ADAM18: variants seen among roughly 807,000 people sequenced by gnomAD.
The protein encoded by ADAM18 is disintegrin and metalloproteinase domain-containing protein 18.
Under a neutral mutation model 94.4 loss-of-function variants are expected in ADAM18, and 117 were observed. The ratio of observed to expected loss-of-function variants is 1.24; its 90% CI spans 1.07 to 1.45. The LOEUF (loss-of-function observed/expected upper bound fraction) is 1.45, where lower values mean the gene tolerates loss of function less well. Among genes scored for constraint, ADAM18 ranks in the 40% most tolerant of loss-of-function variants. The pLI is 0.00. For missense variants in ADAM18, 936 were observed against 880.0 expected, an observed-to-expected ratio of 1.06 and a Z score of -0.81; for synonymous variants, 327 against 291.6, an observed-to-expected ratio of 1.12 and a Z score of -1.24.
intron 18 of ADAM18, among the ~76,000 whole-genome samples, chr8:39,713,235 G>A (rs543911226): frequency 4.3e-4 from 66 of 152,096 alleles, no homozygotes; most frequent in Admixed American, 5.2e-4. Context: ...CTGGCTAGTC[G>A]CATGTAGAAA....
intron 7 of ADAM18, among the ~76,000 whole-genome samples, chr8:39,635,589 T>C: frequency 6.6e-6 from 1 of 152,182 alleles, no homozygotes; most frequent in East Asian, 1.9e-4. Context: ...ACAACTATTA[T>C]AAAATTTTTG....
At chr8:39,651,765 A>G (rs1265820127) in intron 12 of ADAM18, among the ~76,000 whole-genome samples, 1 of 152,194 alleles carries the variant, frequency 6.6e-6, no homozygotes. Flanking sequence ...CACAAAATTT[A>G]TAAGAAACCA....
At chr8:39,675,217 T>C (rs548448482) in intron 14 of ADAM18, among the ~76,000 whole-genome samples, 1 of 152,334 alleles carries the variant, frequency 6.6e-6, no homozygotes, top group Admixed American at 6.5e-5. Context: ...TGAAGAGTGT[T>C]TTCCAACTTG....
chr8:39,669,289 T>G (rs1357305137), intron 14 of ADAM18, among the ~76,000 whole-genome samples: 1 of 151,044 alleles, frequency 6.6e-6, no homozygotes, highest in Non-Finnish European at 1.5e-5. Flanking sequence ...TTTTTAAATT[T>G]TATTATTATT....
chr8:39,636,009 G>GTTT (rs1286518727), intron 7 of ADAM18, among the ~76,000 whole-genome samples: 1 of 131,056 alleles, frequency 7.6e-6, no homozygotes. Flanking sequence ...AAGTTTTTTT[G>GTTT]TTTTTTTTTT....
At chr8:39,694,895 A>T (rs1406288994) in intron 17 of ADAM18, among the ~76,000 whole-genome samples, 1 of 151,526 alleles carries the variant, frequency 6.6e-6, no homozygotes, top group Non-Finnish European at 1.5e-5. Context: ...TGTTTCCATT[A>T]TTACAGTATC....
intron 16 of ADAM18, among the ~76,000 whole-genome samples, chr8:39,691,257 C>T (rs1015641473): frequency 1.3e-5 from 2 of 151,998 alleles, no homozygotes; most frequent in African/African-American, 4.8e-5. Context: ...TGCACGTATA[C>T]AACGTATAAT....
chr8:39,637,775 T>TG (rs1207469776), intron 9 of ADAM18, 72 bp downstream of exon 9: 1 of 1,374,668 alleles, frequency 7.3e-7, no homozygotes, highest in Non-Finnish European at 9.6e-7. Context: ...GTGAATTTAT[T>TG]GCGTTCTTCA....
chr8:39,713,381 C>G (rs1253524726), intron 18 of ADAM18, among the ~76,000 whole-genome samples: 1 of 152,098 alleles, frequency 6.6e-6, no homozygotes, highest in African/African-American at 2.4e-5. Flanking sequence ...TAGGCATGGG[C>G]AAGGACTTCA....
Position 39,707,769 on chromosome 8 carries a change from A to G in ADAM18, c.2017+865A>G, listed in dbSNP as rs143819421. ...TATACACATACATTTGTAAGTATACATATACATTTTTTCTTACATATATTT... is the reference window on the plus strand; with the variant it reads ...TATACACATACATTTGTAAGTATACGTATACATTTTTTCTTACATATATTT... On this transcript the variant is annotated intron_variant, in intron 18 of 19. Coordinates refer to ENST00000265707, the MANE Select transcript of ADAM18 (RefSeq NM_014237.3). Among the ~76,000 whole-genome samples, 579 of 152,280 alleles carry G rather than the reference A, an allele frequency of 3.8e-3. 4 individuals carry two copies. The highest frequency in any genetic ancestry group is 5.7e-3 in the Non-Finnish European group (387 of 68,014).
chr8:39,665,958 C>T (rs1189849748), intron 13 of ADAM18, among the ~76,000 whole-genome samples: 1 of 152,048 alleles, frequency 6.6e-6, no homozygotes, highest in Non-Finnish European at 1.5e-5. Context: ...TTTCTGTTTA[C>T]TATCATATTT....
chr8:39,681,829 T>C (rs1821469318), intron 16 of ADAM18, among the ~76,000 whole-genome samples: 1 of 152,200 alleles, frequency 6.6e-6, no homozygotes, highest in African/African-American at 2.4e-5. Context: ...TCTTCTACAG[T>C]ACGTGGAAAG....
At chr8:39,619,833 A>G (rs1819554764) in intron 6 of ADAM18, among the ~76,000 whole-genome samples, 1 of 152,310 alleles carries the variant, frequency 6.6e-6, no homozygotes, top group Admixed American at 6.5e-5. Flanking sequence ...TACAGATTCA[A>G]TGCAATTTCT....
At chr8:39,700,950 C>T (rs2129581132) in intron 17 of ADAM18, among the ~76,000 whole-genome samples, 1 of 150,810 alleles carries the variant, frequency 6.6e-6, no homozygotes, top group East Asian at 1.9e-4. Context: ...AACCCCGTCT[C>T]TACTAAAAAT....
intron 2 of ADAM18, among the ~76,000 whole-genome samples, chr8:39,587,391 C>T (rs1818435954): frequency 6.6e-6 from 1 of 152,140 alleles, no homozygotes; most frequent in Non-Finnish European, 1.5e-5. Context: ...TTCTCTCGAC[C>T]CAGACCCCTG....
intron 4 of ADAM18, 52 bp from the exon 5 acceptor site, chr8:39,609,433 A>AT: frequency 7.8e-7 from 1 of 1,284,264 alleles, no homozygotes; most frequent in Non-Finnish European, 1.1e-6. Flanking sequence ...TTGACAATAC[A>AT]TTTTTTATTC....
intron 2 of ADAM18, 101 bp from the exon 3 acceptor site, chr8:39,606,206 T>C: frequency 1.5e-6 from 1 of 658,406 alleles, no homozygotes; most frequent in Non-Finnish European, 2.6e-6. Flanking sequence ...ATTATGTTCA[T>C]TTTTAATAGA....
chr8:39,626,760 G>C (rs1470482269), intron 6 of ADAM18, among the ~76,000 whole-genome samples: 1 of 152,066 alleles, frequency 6.6e-6, no homozygotes, highest in Non-Finnish European at 1.5e-5. Flanking sequence ...CACTGTGTCT[G>C]AGAAGATACT....
At chr8:39,611,184 G>A (rs988237779) in intron 6 of ADAM18, 2 of 750,134 alleles carry the variant, frequency 2.7e-6, no homozygotes, top group East Asian at 1.3e-4. Flanking sequence ...CCATCACCAT[G>A]TGGCCTCTGT....
Sources: allele counts gnomAD v4.1 joint callset (sites outside exome capture counted in the v4.1 genomes callset), GRCh38; gene constraint gnomAD v4.1.1; transcripts MANE v1.5; gene names NCBI Gene and HGNC (gene_info 2026-07-23, HGNC 2026-07-21).